Variants in STK31 observed in about 807,000 individuals in gnomAD.
The protein encoded by STK31 is serine/threonine kinase 31, also known as serine/threonine-protein kinase 31.
In STK31, 89 loss-of-function variants were observed where a neutral mutation model predicts 129.7. That is an observed-to-expected ratio of 0.69 (90% CI 0.58 to 0.82). The LOEUF (loss-of-function observed/expected upper bound fraction) is 0.82, where lower values mean the gene tolerates loss of function less well. STK31 is among the 40% of genes least tolerant of loss of function. The pLI is 0.00. For synonymous variants in STK31, 448 were observed against 395.3 expected (o/e 1.13, Z -1.58); for missense variants, 1,187 against 1,176.4 (o/e 1.01, Z -0.13).
intron 8 of STK31, among the ~76,000 whole-genome samples, chr7:23,743,507 C>G (rs1788174221): frequency 6.6e-6 from 1 of 152,066 alleles, no homozygotes; most frequent in Non-Finnish European, 1.5e-5. Flanking sequence ...TACAGTTAAT[C>G]TGATGGGGGT....
At chr7:23,771,412 A>C (rs1255227195) in intron 14 of STK31, 1 of 193,720 alleles carries the variant, frequency 5.2e-6, no homozygotes, top group Non-Finnish European at 1.0e-5. Flanking sequence ...GAAATAAAAC[A>C]TTGCTTATAA....
Position 23,727,097 on chromosome 7 carries a change from C to T in STK31, c.250-144C>T, listed in dbSNP as rs552236682. 1.3e-5 allele frequency: 9 copies of T among 668,418 alleles called. No individual in the cohort carries two copies. The East Asian group carries it at 2.6e-4, about 19-fold the overall frequency. The allele number at this position is 668,418 out of a possible 1,614,324, so 41.4% of individuals were successfully genotyped here. A position where few individuals can be genotyped will look rare whatever the true frequency, so the allele number is the denominator to read the frequency against. ...ATACATAGTGGCATAAACAAAGTAC[C>T]TGCCTGATAGGATTGTGAGAATTAA... On this transcript the variant is annotated intron_variant, in intron 4 of 23. Coordinates refer to ENST00000355870, the MANE Select transcript of STK31 (RefSeq NM_031414.5).
In STK31 at chr7:23,715,482, G is replaced by C. The variant is rs958628811; in HGVS notation, c.151-1999G>C. ...AAAAAAAAAAAAATTAGCCAGGCAT[G>C]GTGGTGCATGCTTGTGTTCCCAGCT... On this transcript the variant is annotated intron_variant, in intron 3 of 23. Coordinates refer to ENST00000355870, the MANE Select transcript of STK31 (RefSeq NM_031414.5). Among the ~76,000 whole-genome samples, 3 of 151,892 alleles carry C rather than the reference G, an allele frequency of 2.0e-5. 1 individual carries two copies. Among genetic ancestry groups the C allele is most frequent in the Non-Finnish European group, 4.4e-5 (3 of 67,954 alleles).
At chr7:23,822,314 C>G (rs563415144) in intron 23 of STK31, among the ~76,000 whole-genome samples, 5 of 152,118 alleles carry the variant, frequency 3.3e-5, no homozygotes, top group Admixed American at 3.3e-4. Flanking sequence ...TTTCTTTCAT[C>G]AGTGTTTTGT....
intron 8 of STK31, among the ~76,000 whole-genome samples, chr7:23,737,670 G>A (rs1049885828): frequency 1.3e-5 from 2 of 152,172 alleles, no homozygotes; most frequent in African/African-American, 4.8e-5. Flanking sequence ...TCTCCAATCA[G>A]GATCCCAGTT....
Position 23,749,317 on chromosome 7 carries a change from T to C in STK31, c.1018-3400T>C, listed in dbSNP as rs1351456917. Among the ~76,000 whole-genome samples, 7 of 151,570 alleles carry C rather than the reference T, an allele frequency of 4.6e-5. No homozygotes were observed. The South Asian group carries it at 1.5e-3, about 32-fold the overall frequency. On this transcript the variant is annotated intron_variant, in intron 8 of 23. Coordinates refer to ENST00000355870, the MANE Select transcript of STK31 (RefSeq NM_031414.5). ...AGTTTTTGCCCTAGAGTATGCCTTG[T>C]AATTTTTTCTTTTCTTTTCTTTTCT...
At chr7:23,754,730 AC>A (rs1364506541) in intron 10 of STK31, among the ~76,000 whole-genome samples, 1 of 152,096 alleles carries the variant, frequency 6.6e-6, no homozygotes, top group Non-Finnish European at 1.5e-5. Context: ...ACTCCCACTT[AC>A]GAGTGAGAAC....
chr7:23,727,138 AG>A (rs1463928978), intron 4 of STK31, 102 bp from the exon 5 acceptor site: 2 of 852,478 alleles, frequency 2.3e-6, no homozygotes, highest in African/African-American at 3.4e-5. Flanking sequence ...TTATATATAA[AG>A]TACTTATTGA....
chr7:23,796,000 T>C (rs900092012), intron 22 of STK31, among the ~76,000 whole-genome samples: 5 of 152,240 alleles, frequency 3.3e-5, no homozygotes, highest in Non-Finnish European at 7.3e-5. Flanking sequence ...AATGCTTAAA[T>C]GAGTTAAAAC....
intron 8 of STK31, among the ~76,000 whole-genome samples, chr7:23,742,978 A>G (rs1262747448): frequency 7.2e-6 from 1 of 139,418 alleles, no homozygotes; most frequent in Non-Finnish European, 1.5e-5. Context: ...TTTGAGACAG[A>G]GTCTTGCTCT....
intron 15 of STK31, among the ~76,000 whole-genome samples, chr7:23,775,625 CTGTT>C (rs1195035120): frequency 2.6e-5 from 4 of 152,044 alleles, no homozygotes; most frequent in Non-Finnish European, 5.9e-5. Flanking sequence ...ATTTGGCTCT[CTGTT>C]TGCCTATTAT....
intron 15 of STK31, among the ~76,000 whole-genome samples, chr7:23,779,650 CCTACTCAAGCCTCAGTAA>C (rs961986316): frequency 3.1e-5 from 4 of 128,962 alleles, no homozygotes; most frequent in Admixed American, 1.6e-4. Flanking sequence ...GGGAAAACTG[CCTACTCAAGCCTCAGTAA>C]TGACAGAGGC....
At chr7:23,827,673 A>G (rs978119821) in intron 23 of STK31, among the ~76,000 whole-genome samples, 1 of 151,970 alleles carries the variant, frequency 6.6e-6, no homozygotes, top group African/African-American at 2.4e-5. Flanking sequence ...AGAGGCTCTG[A>G]TTTTTAGAGT....
chr7:23,740,232 G>A (rs1049876946), intron 8 of STK31, among the ~76,000 whole-genome samples: 16 of 152,226 alleles, frequency 1.1e-4, no homozygotes, highest in African/African-American at 3.9e-4. Flanking sequence ...GAGCCACCAT[G>A]CCTTGCTAAA....
At chr7:23,779,185 G>A (rs746949634) in intron 15 of STK31, among the ~76,000 whole-genome samples, 1 of 152,180 alleles carries the variant, frequency 6.6e-6, no homozygotes, top group Admixed American at 6.5e-5. Flanking sequence ...GAACAGCAAA[G>A]ATTGCTACAT....
intron 17 of STK31, 87 bp from the exon 18 acceptor site, chr7:23,785,389 CAT>C (rs1562600226): frequency 3.3e-6 from 5 of 1,530,050 alleles, no homozygotes; most frequent in Non-Finnish European, 4.4e-6. Context: ...GTGTCCAAGT[CAT>C]TTAATATCGT....
chr7:23,790,028 C>A (rs189648540), intron 21 of STK31, among the ~76,000 whole-genome samples: 108 of 152,192 alleles, frequency 7.1e-4, no homozygotes, highest in Admixed American at 2.6e-3. Flanking sequence ...TGTTAAAATG[C>A]AAATTAATAT....
chr7:23,777,973 C>T (rs1790666515), intron 15 of STK31, among the ~76,000 whole-genome samples: 2 of 152,102 alleles, frequency 1.3e-5, no homozygotes, highest in Admixed American at 1.3e-4. Flanking sequence ...TTGGCTGGAA[C>T]CAGTTGTTCC....
chr7:23,727,216 A>G, intron 4 of STK31, 25 bp from the exon 5 acceptor site: 2 of 1,605,926 alleles, frequency 1.2e-6, no homozygotes, highest in Non-Finnish European at 1.7e-6. Context: ...ATGCCAAGTA[A>G]TTTTGCTTTC....
Sources: gnomAD v4.1 joint callset for allele counts (sites outside exome capture counted in the v4.1 genomes callset) on GRCh38, gnomAD v4.1.1 for gene constraint, MANE v1.5 for transcripts, NCBI Gene and HGNC (gene_info 2026-07-23, HGNC 2026-07-21) for gene names.